The following BNC2 variants were observed in gnomAD, a reference collection of about 807,000 sequenced individuals.
BNC2 encodes basonuclin zinc finger protein 2.
In BNC2, 20 loss-of-function variants were observed where a neutral mutation model predicts 76.3. That is an observed-to-expected ratio of 0.26 (90% CI 0.18 to 0.38). The LOEUF (loss-of-function observed/expected upper bound fraction) is 0.38, where lower values mean the gene tolerates loss of function less well. Ranked by LOEUF, BNC2 falls within the 10% of genes least tolerant of loss-of-function variation. The probability of loss-of-function intolerance (pLI) is 1.00; values close to 1 mark genes in which losing one functional copy is unlikely to be tolerated. For missense variants in BNC2, 1,382 were observed against 1,399.8 expected (o/e 0.99, Z 0.20); for synonymous variants, 582 against 514.8 (o/e 1.13, Z -1.77).
At chr9:16,817,770 A>G (rs1193714636) in intron 1 of BNC2, among the ~76,000 whole-genome samples, 4 of 152,160 alleles carry the variant, frequency 2.6e-5, no homozygotes, top group Non-Finnish European at 5.9e-5. Flanking sequence ...CTCAATAAGC[A>G]TTTACTGAGT....
At chr9:16,586,734 G>A (rs1474873763) in intron 3 of BNC2, among the ~76,000 whole-genome samples, 1 of 152,178 alleles carries the variant, frequency 6.6e-6, no homozygotes, top group African/African-American at 2.4e-5. Context: ...CCGTCACTGT[G>A]GAGCCAGGCA....
chr9:16,736,187 T>TCG (rs2135097352), intron 2 of BNC2, among the ~76,000 whole-genome samples: 1 of 144,552 alleles, frequency 6.9e-6, no homozygotes, highest in Admixed American at 7.0e-5. Flanking sequence ...TGACCCAAGA[T>TCG]CGCGCCACTG....
intron 1 of BNC2, among the ~76,000 whole-genome samples, chr9:16,835,978 G>C (rs937899404): frequency 6.6e-6 from 1 of 152,044 alleles, no homozygotes; most frequent in Non-Finnish European, 1.5e-5. Flanking sequence ...AAGAATCCTG[G>C]CACTAGAAAT....
intron 5 of BNC2, among the ~76,000 whole-genome samples, chr9:16,496,178 G>A (rs1822385865): frequency 6.6e-6 from 1 of 151,670 alleles, no homozygotes; most frequent in Non-Finnish European, 1.5e-5. Flanking sequence ...CAAAGTGCTG[G>A]GATTACAAGC....
In BNC2 at chr9:16,416,409, GCAAA is replaced by G. The variant is rs1820585193; in HGVS notation, c.*2576_*2579del. On this transcript the variant is annotated 3_prime_UTR_variant, in exon 7 of 7. Coordinates refer to ENST00000380672, the MANE Select transcript of BNC2 (RefSeq NM_017637.6). Reference sequence around the variant, plus strand: ...GAACGCTGAGAGGACCAAAATGTTTGCAAACAAACTTTCATTATTCTAGTTCAAT... The same window carrying G: ...GAACGCTGAGAGGACCAAAATGTTTGCAAACTTTCATTATTCTAGTTCAAT... 6.6e-6 allele frequency: 1 copy of G among 152,548 alleles called. No individual in the cohort carries two copies. Among genetic ancestry groups the G allele is most frequent in the Non-Finnish European group, 1.5e-5 (1 of 68,010 alleles). 9.4% of individuals were successfully genotyped at this position (152,548 alleles called of 1,614,324 possible).
intron 3 of BNC2, among the ~76,000 whole-genome samples, chr9:16,721,830 T>C (rs1458846318): frequency 6.6e-6 from 1 of 152,180 alleles, no homozygotes; most frequent in Non-Finnish European, 1.5e-5. Context: ...AAGGAGTTAA[T>C]TCCTAGATCG....
chr9:16,621,681 G>A (rs896825590), intron 3 of BNC2, among the ~76,000 whole-genome samples: 1 of 152,034 alleles, frequency 6.6e-6, no homozygotes, highest in Non-Finnish European at 1.5e-5. Context: ...CTGGTGTCTA[G>A]ACCTAAGCCA....
chr9:16,526,633 A>G (rs1487254046), intron 5 of BNC2, among the ~76,000 whole-genome samples: 2 of 152,132 alleles, frequency 1.3e-5, no homozygotes, highest in Non-Finnish European at 2.9e-5. Context: ...ATGTTTTCCT[A>G]TCTGAACCCC....
At chr9:16,690,721 C>G (rs1002345271) in intron 3 of BNC2, among the ~76,000 whole-genome samples, 2 of 152,162 alleles carry the variant, frequency 1.3e-5, no homozygotes, top group Non-Finnish European at 2.9e-5. Context: ...AGACACAGAT[C>G]TCCTCTGGAG....
At chr9:16,723,391 T>C (rs1824222563) in intron 3 of BNC2, among the ~76,000 whole-genome samples, 1 of 152,080 alleles carries the variant, frequency 6.6e-6, no homozygotes, top group South Asian at 2.1e-4. Context: ...AAATGCGTTG[T>C]ATGAACTATA....
chr9:16,738,219 G>A (rs1824735445), intron 2 of BNC2, 141 bp downstream of exon 2: 1 of 911,934 alleles, frequency 1.1e-6, no homozygotes, highest in East Asian at 2.6e-5. Flanking sequence ...ATAAATACCT[G>A]AGTTTCATAG....
At chr9:16,842,743 T>C (rs1818866005) in intron 1 of BNC2, among the ~76,000 whole-genome samples, 1 of 152,156 alleles carries the variant, frequency 6.6e-6, no homozygotes, top group Non-Finnish European at 1.5e-5. Context: ...AAGCCTGAAC[T>C]TATTTTATTT....
chr9:16,758,686 C>T (rs7868797), intron 1 of BNC2, among the ~76,000 whole-genome samples: 123,288 of 152,096 alleles, frequency 0.81, 51,412 homozygotes, highest in Non-Finnish European at 0.91. Context: ...GTTGGTCATG[C>T]TTGGGTGGCC....
Position 16,738,485 on chromosome 9 carries a change from C to T in BNC2, c.4G>A (p.Ala2Thr), listed in dbSNP as rs769895835. 1.2e-6 allele frequency: 2 copies of T among 1,613,850 alleles called. No individual in the cohort carries two copies. Among genetic ancestry groups the T allele is most frequent in the Non-Finnish European group, 1.7e-6 (2 of 1,179,894 alleles). ...GGAGGTGGGGTGGGCCCAAGGTGTG[C>T]CTATTGAGAGATTGGGAAAGGAAAT... is the stretch of plus-strand genomic sequence containing the variant. Reference protein sequence around the residue: MAHLGPTPPPHS... With the variant: MTHLGPTPPPHS... The change falls in exon 2 of 7, where the codon GCA becomes ACA. Residue 2 changes from alanine (A) to threonine (T), a missense_variant and splice_region_variant. Ala to Thr is a moderately conservative substitution (Grantham distance 58, BLOSUM62 0). Around this residue, in one of 3 missense-constraint regions of BNC2, gnomAD observed 557 missense variants for 540.9 expected, o/e 1.03. Coordinates refer to ENST00000380672, the MANE Select transcript of BNC2 (RefSeq NM_017637.6).
At chr9:16,690,579 G>C (rs557370049) in intron 3 of BNC2, among the ~76,000 whole-genome samples, 1 of 152,112 alleles carries the variant, frequency 6.6e-6, no homozygotes, top group Non-Finnish European at 1.5e-5. Context: ...CATTTTCAAG[G>C]ATGGAATGAC....
intron 5 of BNC2, among the ~76,000 whole-genome samples, chr9:16,465,193 T>A (rs1271718760): frequency 1.3e-5 from 2 of 152,130 alleles, no homozygotes; most frequent in Non-Finnish European, 2.9e-5. Context: ...CCCAACACTT[T>A]GAGAGGCTAA....
intron 1 of BNC2, among the ~76,000 whole-genome samples, chr9:16,827,885 T>C (rs1336912477): frequency 1.3e-5 from 2 of 152,224 alleles, no homozygotes; most frequent in Admixed American, 6.5e-5. Context: ...TTTGAATCCA[T>C]ATGATATGCC....
chr9:16,437,688 C>G (rs955013204), intron 5 of BNC2, among the ~76,000 whole-genome samples, 164 bp from the exon 6 acceptor site: 1 of 152,182 alleles, frequency 6.6e-6, no homozygotes, highest in Non-Finnish European at 1.5e-5. Flanking sequence ...ACAAAGCAAA[C>G]TTTTCTGCCA....
chr9:16,529,427 C>T (rs73417459), intron 5 of BNC2, among the ~76,000 whole-genome samples: 8,530 of 152,090 alleles, frequency 0.056, 821 homozygotes, highest in African/African-American at 0.19. Flanking sequence ...CAAAAAGGGG[C>T]TATGGACAGT....
Sources: gnomAD v4.1 joint callset for allele counts (sites outside exome capture counted in the v4.1 genomes callset) on GRCh38, gnomAD v4.1.1 for gene constraint, gnomAD v4.1.1 regional missense constraint, MANE v1.5 for transcripts, NCBI Gene and HGNC (gene_info 2026-07-23, HGNC 2026-07-21) for gene names.